NTNG1: variants seen among roughly 807,000 people sequenced by gnomAD.
NTNG1 encodes the protein netrin G1, also known as netrin-G1.
Under a neutral mutation model 54.0 loss-of-function variants are expected in NTNG1, and 16 were observed. The ratio of observed to expected loss-of-function variants is 0.30; its 90% confidence interval spans 0.20 to 0.45. The LOEUF (loss-of-function observed/expected upper bound fraction) is 0.45, where lower values mean the gene tolerates loss of function less well. NTNG1 is among the 20% of genes least tolerant of loss of function. NTNG1 has a pLI of 1.00. For missense variants in NTNG1, 530 were observed against 678.7 expected, an observed-to-expected ratio of 0.78 and a Z score of 2.43; for synonymous variants, 255 against 263.1, an observed-to-expected ratio of 0.97 and a Z score of 0.30.
At chr1:107,140,747 C>T (rs1309789531), upstream of NTNG1, 1 of 143,586 alleles carries the variant, frequency 7.0e-6, no homozygotes, top group Non-Finnish European at 1.5e-5. Context: ...GAAAATCGTC[C>T]TGCGGCTTGA....
At chr1:107,323,843 T>C (rs1667794865) in intron 2 of NTNG1, among the ~76,000 whole-genome samples, 1 of 152,116 alleles carries the variant, frequency 6.6e-6, no homozygotes, top group Non-Finnish European at 1.5e-5. Flanking sequence ...TATCTATGGT[T>C]CATGGCTCAT....
chr1:107,235,164 T>G (rs1016924035), intron 2 of NTNG1, among the ~76,000 whole-genome samples: 21 of 152,172 alleles, frequency 1.4e-4, no homozygotes, highest in Non-Finnish European at 2.8e-4. Context: ...TTGTCTGATT[T>G]CAAAGGGCAT....
chr1:107,451,108 C>CTT lies in NTNG1; in HGVS notation c.1390+14324_1390+14325dup, dbSNP rs55906603. On this transcript the variant is annotated intron_variant, in intron 7 of 7. Coordinates refer to ENST00000370068, the MANE Select transcript of NTNG1 (RefSeq NM_001113226.3). Reference sequence around the variant, plus strand: ...AATTCCCTTTTTTCTTTCTTTCTTTCTTTTTTTTTTTTTTTTAGAACTCCT... The same window carrying CTT: ...AATTCCCTTTTTTCTTTCTTTCTTTCTTTTTTTTTTTTTTTTTTAGAACTCCT... Among the ~76,000 whole-genome samples the CTT allele has an allele frequency of 4.9e-3, 678 of 138,374 alleles. 11 individuals carry two copies. The highest frequency in any genetic ancestry group is 0.025 in the South Asian group (108 of 4,340). 90.8% of individuals were successfully genotyped at this position (138,374 alleles called of 152,430 possible).
At chr1:107,366,932 G>T (rs892098587) in intron 3 of NTNG1, among the ~76,000 whole-genome samples, 2 of 152,068 alleles carry the variant, frequency 1.3e-5, no homozygotes, top group Admixed American at 6.6e-5. Flanking sequence ...CAGAGTTACT[G>T]TACAAAATCT....
chr1:107,244,864 G>A (rs1271044056), intron 2 of NTNG1, among the ~76,000 whole-genome samples: 6 of 152,196 alleles, frequency 3.9e-5, no homozygotes, highest in African/African-American at 1.4e-4. Flanking sequence ...TCACTTTGGA[G>A]CCTGATAGAA....
intron 3 of NTNG1, among the ~76,000 whole-genome samples, chr1:107,366,248 G>C (rs961399159): frequency 6.6e-6 from 1 of 152,206 alleles, no homozygotes; most frequent in Non-Finnish European, 1.5e-5. Context: ...ACAGTAGAGA[G>C]AAAAGAGCAC....
At chr1:107,437,733 A>T (rs1434841951) in intron 7 of NTNG1, among the ~76,000 whole-genome samples, 1 of 152,174 alleles carries the variant, frequency 6.6e-6, no homozygotes, top group Non-Finnish European at 1.5e-5. Flanking sequence ...TATATAAGAT[A>T]CTATTATTTC....
chr1:107,369,813 A>G (rs1039917430), intron 3 of NTNG1, among the ~76,000 whole-genome samples: 5 of 152,014 alleles, frequency 3.3e-5, no homozygotes, highest in African/African-American at 1.2e-4. Context: ...TTCCTAATCT[A>G]AGGTCACCAA....
intron 3 of NTNG1, among the ~76,000 whole-genome samples, chr1:107,334,757 G>A (rs1056838392): frequency 1.3e-5 from 2 of 151,970 alleles, no homozygotes; most frequent in South Asian, 2.1e-4. Context: ...ACTGATCTGC[G>A]TCCCGTGCCT....
intron 2 of NTNG1, among the ~76,000 whole-genome samples, chr1:107,311,849 A>G (rs1315020193): frequency 6.6e-6 from 1 of 152,224 alleles, no homozygotes; most frequent in African/African-American, 2.4e-5. Flanking sequence ...TGGTGCATAT[A>G]TACACACTCA....
At chr1:107,298,051 A>G (rs1395740922) in intron 2 of NTNG1, among the ~76,000 whole-genome samples, 2 of 152,212 alleles carry the variant, frequency 1.3e-5, no homozygotes, top group African/African-American at 4.8e-5. Context: ...CATGGATTTT[A>G]AAAATGACTC....
At chr1:107,290,676 G>T (rs906639235) in intron 2 of NTNG1, among the ~76,000 whole-genome samples, 1 of 151,958 alleles carries the variant, frequency 6.6e-6, no homozygotes, top group South Asian at 2.1e-4. Flanking sequence ...ATGAAAATAT[G>T]CTGTTGTATT....
rs553898659 is a variant in NTNG1, at chr1:107,280,847, C to T, written c.247-43435C>T. 2.1e-5 allele frequency among the ~76,000 whole-genome samples: 3 copies of T among 145,440 alleles called. No individual in the cohort carries two copies. In the South Asian group the frequency reaches 6.5e-4, roughly 32 times the overall value. On this transcript the variant is annotated intron_variant, in intron 2 of 7. Transcript: ENST00000370068. The stretch of plus-strand genomic sequence containing the variant: ...TATTTAATTTATTTCACAAACAGTC[C>T]TCTGACTTATTTTATTTTATTTTAT...
At chr1:107,168,657 G>A (rs1365355084) in intron 2 of NTNG1, among the ~76,000 whole-genome samples, 1 of 152,026 alleles carries the variant, frequency 6.6e-6, no homozygotes, top group Admixed American at 6.6e-5. Flanking sequence ...ATAGGAATAA[G>A]CACATTGTAT....
chr1:107,402,366 C>G (rs1482342350), intron 4 of NTNG1, among the ~76,000 whole-genome samples: 2 of 152,156 alleles, frequency 1.3e-5, no homozygotes, highest in East Asian at 3.9e-4. Context: ...GGTTACCACT[C>G]CCGCTCTTGA....
chr1:107,456,242 G>T (rs1249524175), intron 7 of NTNG1, among the ~76,000 whole-genome samples: 14 of 152,182 alleles, frequency 9.2e-5, no homozygotes, highest in Admixed American at 9.2e-4. Context: ...ATAAAGTGAT[G>T]CATAGGAAGA....
intron 7 of NTNG1, among the ~76,000 whole-genome samples, chr1:107,474,819 G>A (rs1678207559): frequency 6.6e-6 from 1 of 152,114 alleles, no homozygotes; most frequent in African/African-American, 2.4e-5. Context: ...CATGAAGGTG[G>A]AGCCCTTATG....
intron 3 of NTNG1, among the ~76,000 whole-genome samples, chr1:107,342,890 C>G (rs556193809): frequency 1.3e-5 from 2 of 152,182 alleles, no homozygotes; most frequent in East Asian, 3.9e-4. Flanking sequence ...AATATCTTTG[C>G]TAACATGGAT....
chr1:107,389,420 T>TA (rs11381334), intron 3 of NTNG1, among the ~76,000 whole-genome samples: 35,478 of 152,076 alleles, frequency 0.23, 4,576 homozygotes, highest in East Asian at 0.28. Context: ...TATTAAGTTA[T>TA]AAAAAAATAA....
Sources: allele counts gnomAD v4.1 joint callset (sites outside exome capture counted in the v4.1 genomes callset), GRCh38; gene constraint gnomAD v4.1.1; transcripts MANE v1.5; gene names NCBI Gene and HGNC (gene_info 2026-07-23, HGNC 2026-07-21).